The following ALOX5 variants were observed in gnomAD, a reference collection of about 807,000 sequenced individuals.
ALOX5 encodes the protein polyunsaturated fatty acid 5-lipoxygenase.
In ALOX5, 64 loss-of-function variants were observed where a neutral mutation model predicts 87.9. The ratio of observed to expected loss-of-function variants is 0.73; its 90% CI spans 0.60 to 0.90. The LOEUF is 0.90. Ranked by LOEUF, ALOX5 falls within the 40% of genes least tolerant of loss-of-function variation. The probability of loss-of-function intolerance (pLI) is 0.00; values close to 1 mark genes in which losing one functional copy is unlikely to be tolerated. For missense variants in ALOX5, 822 were observed against 907.5 expected, an observed-to-expected ratio of 0.91 and a Z score of 1.21; for synonymous variants, 388 against 355.1, an observed-to-expected ratio of 1.09 and a Z score of -1.04.
At chr10:45,435,062 C>G (rs1842020834) in intron 7 of ALOX5, among the ~76,000 whole-genome samples, 1 of 152,164 alleles carries the variant, frequency 6.6e-6, no homozygotes, top group Non-Finnish European at 1.5e-5. Flanking sequence ...CATGGCAGGC[C>G]AAAATCCTGG....
intron 3 of ALOX5, among the ~76,000 whole-genome samples, chr10:45,411,445 T>G (rs1418524372): frequency 4.6e-5 from 7 of 152,182 alleles, no homozygotes; most frequent in African/African-American, 1.7e-4. Flanking sequence ...CAATTTAAGT[T>G]TACTCAATAA....
At chr10:45,401,948 G>A (rs1211137717) in intron 3 of ALOX5, among the ~76,000 whole-genome samples, 7 of 152,106 alleles carry the variant, frequency 4.6e-5, no homozygotes, top group African/African-American at 1.4e-4. Flanking sequence ...TTAGCCGGGC[G>A]TGGTGGCGGG....
At position 45,431,548 on chromosome 10, in the gene ALOX5, GTTATTTATTTATTTAT is replaced by G. The variant is rs34431757; in HGVS notation, c.981+2811_981+2826del. ...TGCCCATATAAGGAAAAACTATAAA[GTTATTTATTTATTTAT>G]TTATTTATTTATTTATTTATTTATT... On this transcript the variant is annotated intron_variant, in intron 7 of 13. Coordinates refer to ENST00000374391, the MANE Select transcript of ALOX5 (RefSeq NM_000698.5). 4.8e-3 allele frequency among the ~76,000 whole-genome samples: 709 copies of G among 148,556 alleles called. 5 individuals are homozygous for G. The highest frequency in any genetic ancestry group is 0.027 in the Middle Eastern group (8 of 294).
intron 7 of ALOX5, among the ~76,000 whole-genome samples, chr10:45,435,861 C>T (rs1842047582): frequency 6.6e-6 from 1 of 152,222 alleles, no homozygotes; most frequent in Non-Finnish European, 1.5e-5. Context: ...CTCCAAACTG[C>T]TTTCCACAGG....
intron 7 of ALOX5, among the ~76,000 whole-genome samples, chr10:45,434,565 A>G (rs1057395739): frequency 7.9e-5 from 12 of 152,252 alleles, no homozygotes; most frequent in African/African-American, 2.9e-4. Flanking sequence ...GTGGAAAAAC[A>G]AGACACAAGG....
At chr10:45,401,589 T>C (rs867559333) in intron 3 of ALOX5, among the ~76,000 whole-genome samples, 30 of 152,318 alleles carry the variant, frequency 2.0e-4, no homozygotes, top group African/African-American at 6.7e-4. Flanking sequence ...AATCTCATCA[T>C]AAACATTATT....
intron 4 of ALOX5, among the ~76,000 whole-genome samples, chr10:45,414,819 T>C (rs1218581993): frequency 6.6e-6 from 1 of 152,148 alleles, no homozygotes; most frequent in Admixed American, 6.5e-5. Context: ...ATGCAGCCAA[T>C]AGACACATGA....
intron 1 of ALOX5, among the ~76,000 whole-genome samples, chr10:45,378,173 A>G (rs1286947209): frequency 6.8e-6 from 1 of 147,372 alleles, no homozygotes; most frequent in Non-Finnish European, 1.5e-5. Flanking sequence ...AGCTGCCTGA[A>G]ATACCCTCTT....
chr10:45,397,648 A>G (rs1165765375), intron 3 of ALOX5, among the ~76,000 whole-genome samples: 2 of 152,236 alleles, frequency 1.3e-5, no homozygotes, highest in East Asian at 1.9e-4. Flanking sequence ...GAACTAATAA[A>G]CCACCAAGAT....
chr10:45,409,380 A>G (rs1271333049), intron 3 of ALOX5, among the ~76,000 whole-genome samples: 3 of 152,232 alleles, frequency 2.0e-5, no homozygotes, highest in African/African-American at 7.2e-5. Context: ...CAAACATCTC[A>G]CAGTGATTAT....
At chr10:45,403,945 T>C (rs191868142) in intron 3 of ALOX5, among the ~76,000 whole-genome samples, 5 of 152,306 alleles carry the variant, frequency 3.3e-5, no homozygotes, top group Admixed American at 2.6e-4. Context: ...TTCTGGCCTG[T>C]GAATCTGGGT....
intron 3 of ALOX5, 89 bp downstream of exon 3, chr10:45,396,025 T>C (rs1840489554): frequency 7.3e-7 from 1 of 1,368,848 alleles, no homozygotes; most frequent in Non-Finnish European, 1.0e-6. Context: ...TTCCACAGTG[T>C]ATGGCCTGTC....
chr10:45,416,144 G>A (rs1207332202), intron 4 of ALOX5, among the ~76,000 whole-genome samples: 1 of 152,162 alleles, frequency 6.6e-6, no homozygotes, highest in African/African-American at 2.4e-5. Context: ...TTGTGTCGGT[G>A]TTTTGGGGGG....
At chr10:45,379,781 T>C (rs1839764154) in intron 1 of ALOX5, among the ~76,000 whole-genome samples, 1 of 152,150 alleles carries the variant, frequency 6.6e-6, no homozygotes, top group Non-Finnish European at 1.5e-5. Flanking sequence ...TTTGGGTAGA[T>C]GAAGAAACAG....
At chr10:45,441,978 A>G (rs1348006969) in intron 9 of ALOX5, among the ~76,000 whole-genome samples, 1 of 152,018 alleles carries the variant, frequency 6.6e-6, no homozygotes, top group Non-Finnish European at 1.5e-5. Context: ...CCTTGCCCCA[A>G]CCTTCCTCCT....
At chr10:45,407,700 G>T (rs1033095299) in intron 3 of ALOX5, among the ~76,000 whole-genome samples, 11 of 152,302 alleles carry the variant, frequency 7.2e-5, no homozygotes, top group Non-Finnish European at 1.5e-4. Context: ...GAAAAATGCA[G>T]GGAGTCTGCA....
At chr10:45,437,682 A>G (rs1842099017) in intron 7 of ALOX5, among the ~76,000 whole-genome samples, 1 of 152,208 alleles carries the variant, frequency 6.6e-6, no homozygotes. Context: ...AAGTCCTTTC[A>G]TAAGCAACTT....
intron 1 of ALOX5, among the ~76,000 whole-genome samples, chr10:45,378,302 A>C (rs1023386700): frequency 3.9e-5 from 6 of 152,094 alleles, no homozygotes; most frequent in African/African-American, 1.4e-4. Context: ...TTTTCTCAAG[A>C]TGTGGCCTTG....
intron 7 of ALOX5, among the ~76,000 whole-genome samples, chr10:45,434,205 T>C (rs1227895990): frequency 1.3e-5 from 2 of 152,188 alleles, no homozygotes; most frequent in Non-Finnish European, 2.9e-5. Flanking sequence ...GAGGGGACTT[T>C]ATTGTTTAAG....
Sources: gnomAD v4.1 joint callset for allele counts (sites outside exome capture counted in the v4.1 genomes callset) on GRCh38, gnomAD v4.1.1 for gene constraint, MANE v1.5 for transcripts, NCBI Gene and HGNC (gene_info 2026-07-23, HGNC 2026-07-21) for gene names.